Variants in LRRC37A2 observed in about 807,000 individuals in gnomAD.
LRRC37A2 encodes the protein leucine rich repeat containing 37 member A2, also known as leucine-rich repeat-containing protein 37A2.
LRRC37A2 carries 9 observed loss-of-function variants against 68.8 expected under a neutral mutation model. That is an observed-to-expected ratio of 0.13 (90% CI 0.08 to 0.23). The LOEUF (loss-of-function observed/expected upper bound fraction) is 0.23, where lower values mean the gene tolerates loss of function less well. LRRC37A2 is among the 10% of genes least tolerant of loss of function. The pLI is 1.00. For synonymous variants in LRRC37A2, 63 were observed against 367.6 expected (o/e 0.17, Z 9.48); for missense variants, 168 against 950.4 (o/e 0.18, Z 10.82).
chr17:46,809,283 AG>A, the LRRC37A2 span, among the ~76,000 whole-genome samples: 1 of 152,222 alleles, frequency 6.6e-6, no homozygotes, highest in African/African-American at 2.4e-5. Flanking sequence ...GCTGGAGAGG[AG>A]GCGGGATCCT....
the LRRC37A2 span, chr17:46,941,033 G>A: frequency 3.2e-5 from 35 of 1,093,106 alleles, no homozygotes; most frequent in African/African-American, 3.7e-4. Context: ...TTCTTAGGTC[G>A]AGCTGATGCA....
chr17:46,798,032 G>C, the LRRC37A2 span, among the ~76,000 whole-genome samples: 1 of 152,130 alleles, frequency 6.6e-6, no homozygotes, highest in Non-Finnish European at 1.5e-5. Flanking sequence ...GGATTCAAGC[G>C]ATTCTCCTGC....
the LRRC37A2 span, among the ~76,000 whole-genome samples, chr17:46,900,657 C>T: frequency 1.3e-5 from 2 of 152,110 alleles, no homozygotes; most frequent in Admixed American, 6.5e-5. Context: ...ACCCGCTTCT[C>T]GCATTCAACT....
the LRRC37A2 span, chr17:46,939,582 G>A: frequency 1.0e-6 from 1 of 985,484 alleles, no homozygotes; most frequent in Non-Finnish European, 1.2e-6. Flanking sequence ...GCAAAGATTT[G>A]TGATTTTCCA....
the LRRC37A2 span, among the ~76,000 whole-genome samples, chr17:46,812,952 T>C: frequency 6.6e-6 from 1 of 152,108 alleles, no homozygotes; most frequent in Non-Finnish European, 1.5e-5. Flanking sequence ...ATGAGGAAAC[T>C]GAGGCTTGCA....
the LRRC37A2 span, among the ~76,000 whole-genome samples, chr17:46,733,794 A>G: frequency 6.6e-6 from 1 of 152,222 alleles, no homozygotes; most frequent in African/African-American, 2.4e-5. Context: ...TACCACTCCA[A>G]CGTCATAGCA....
the LRRC37A2 span, among the ~76,000 whole-genome samples, chr17:46,884,296 C>T: frequency 8.5e-5 from 13 of 152,182 alleles, no homozygotes; most frequent in Admixed American, 6.5e-5. Flanking sequence ...GGCAACATGT[C>T]ATTTCTGAAA....
chr17:46,979,502 C>A, the LRRC37A2 span, among the ~76,000 whole-genome samples: 1 of 152,204 alleles, frequency 6.6e-6, no homozygotes, highest in African/African-American at 2.4e-5. Context: ...TCCAAGGTGC[C>A]CATTCCAGGA....
chr17:47,044,681 G>T, the LRRC37A2 span, among the ~76,000 whole-genome samples: 1 of 151,620 alleles, frequency 6.6e-6, no homozygotes, highest in Non-Finnish European at 1.5e-5. Context: ...AAGGCTTAAA[G>T]GAAAAAAAGA....
the LRRC37A2 span, among the ~76,000 whole-genome samples, chr17:46,758,316 G>A: frequency 1.3e-5 from 2 of 152,210 alleles, no homozygotes; most frequent in African/African-American, 4.8e-5. Flanking sequence ...CTTCCACAAC[G>A]GGAGTTCCTG....
the LRRC37A2 span, among the ~76,000 whole-genome samples, chr17:46,404,947 A>G: frequency 8.9e-5 from 9 of 101,544 alleles, 1 homozygote; most frequent in Admixed American, 4.0e-4. Flanking sequence ...TCACGCCTGT[A>G]ATCCTAGCAC....
chr17:46,475,230 ATCTT>A, the LRRC37A2 span: 1 of 836,638 alleles, frequency 1.2e-6, no homozygotes, highest in Non-Finnish European at 1.7e-6. Flanking sequence ...GCACATCATC[ATCTT>A]TGATGAAATT....
chr17:46,598,605 G>T, the LRRC37A2 span, among the ~76,000 whole-genome samples: 3 of 152,056 alleles, frequency 2.0e-5, no homozygotes, highest in African/African-American at 4.8e-5. Flanking sequence ...GTTGAAAGGG[G>T]TATGGAAAGA....
the LRRC37A2 span, among the ~76,000 whole-genome samples, chr17:47,029,541 C>A: frequency 6.6e-6 from 1 of 152,164 alleles, no homozygotes; most frequent in Non-Finnish European, 1.5e-5. Context: ...TAGAGGGAAG[C>A]ATTCAGGATG....
chr17:46,876,790 C>T, the LRRC37A2 span: 1 of 1,465,754 alleles, frequency 6.8e-7, no homozygotes, highest in Non-Finnish European at 9.0e-7. Flanking sequence ...CCCAGCCGGC[C>T]CTCTGGGCAG....
At chr17:46,470,546 G>C in the LRRC37A2 span, among the ~76,000 whole-genome samples, 2 of 82,484 alleles carry the variant, frequency 2.4e-5, 1 homozygote, top group African/African-American at 7.0e-5. Context: ...GGGCCCAATG[G>C]CTCATGCCTG....
At chr17:46,978,243 T>C in the LRRC37A2 span, 5 of 228,980 alleles carry the variant, frequency 2.2e-5, no homozygotes, top group Non-Finnish European at 4.2e-5. Context: ...TCAGCGACTC[T>C]GACGCTTCAC....
the LRRC37A2 span, among the ~76,000 whole-genome samples, chr17:46,492,513 T>A: frequency 2.0e-5 from 3 of 150,282 alleles, no homozygotes; most frequent in Admixed American, 6.6e-5. Flanking sequence ...ACACAATTCT[T>A]GTTTCTCTTG....
chr17:46,790,501 T>G, the LRRC37A2 span, among the ~76,000 whole-genome samples: 1 of 152,062 alleles, frequency 6.6e-6, no homozygotes, highest in Non-Finnish European at 1.5e-5. Flanking sequence ...CAGACAGGGC[T>G]GGGGACCTGC....
Sources: gnomAD v4.1 joint callset for allele counts (sites outside exome capture counted in the v4.1 genomes callset) on GRCh38, gnomAD v4.1.1 for gene constraint, MANE v1.5 for transcripts, NCBI Gene and HGNC (gene_info 2026-07-23, HGNC 2026-07-21) for gene names.